Variants in UBE4A observed in about 807,000 individuals in gnomAD.
UBE4A encodes ubiquitination factor E4A.
Under a neutral mutation model 117.9 loss-of-function variants are expected in UBE4A, and 48 were observed. The observed-to-expected ratio is 0.41, with a 90% CI of 0.32 to 0.52. UBE4A has a LOEUF of 0.52. Among genes scored for constraint, UBE4A ranks in the 20% least tolerant of loss-of-function variants. The pLI, the probability that UBE4A is intolerant of heterozygous loss-of-function variation, is 0.33. For synonymous variants in UBE4A, 407 were observed against 450.0 expected, an observed-to-expected ratio of 0.90 and a Z score of 1.21; for missense variants, 1,067 against 1,296.3, an observed-to-expected ratio of 0.82 and a Z score of 2.72.
chr11:118,389,666 C>CATTA lies in UBE4A; in HGVS notation c.2588-59_2588-58insATTA, dbSNP rs1247034581. 8.9e-5 allele frequency: 127 copies of CATTA among 1,433,806 alleles called. No homozygotes were observed. In the East Asian group the frequency reaches 2.8e-3, roughly 32 times the overall value. The allele number at this position is 1,433,806 out of a possible 1,614,324, so 88.8% of individuals were successfully genotyped here. On this transcript the variant is annotated intron_variant, in intron 16 of 19. Transcript: ENST00000252108. ...CCAGAGGTCTCCAAATAAACTATACCTAATAAGGAAAAGAGTGCTAATGGA... is the reference window on the plus strand; with the variant it reads ...CCAGAGGTCTCCAAATAAACTATACCATTATAATAAGGAAAAGAGTGCTAATGGA...
At chr11:118,396,239 C>G (rs1401882129) in intron 19 of UBE4A, 75 bp from the exon 20 acceptor site, 9 of 1,536,330 alleles carry the variant, frequency 5.9e-6, no homozygotes, top group Non-Finnish European at 7.9e-6. Context: ...ATGCGACGCC[C>G]AGGTGTTCTG....
chr11:118,392,825 T>G lies in UBE4A; in HGVS notation c.3004T>G (p.Cys1002Gly), dbSNP rs1555128830. Reference sequence around the variant, plus strand: ...GGATCCCATTATGAGCACACTGATGTGTGACCCTGTGGTGCTGCCATCTTC... The same window carrying G: ...GGATCCCATTATGAGCACACTGATGGGTGACCCTGTGGTGCTGCCATCTTC... ...FLDPIMSTLM[C>G]DPVVLPSSRV... The change falls in exon 19 of 20, where the codon TGT becomes GGT. Residue 1002 changes from cysteine (C) to glycine (G), a missense_variant. Physicochemically the swap from Cys to Gly is radical, Grantham distance 159. This residue lies in a region of UBE4A where 34 missense variants were observed against 77.7 expected (regional missense o/e 0.44). Coordinates refer to ENST00000252108, the MANE Select transcript of UBE4A (RefSeq NM_001204077.2). 6.2e-7 allele frequency: 1 copy of G among 1,614,172 alleles called. No individual in the cohort carries two copies. The highest frequency in any genetic ancestry group is 8.5e-7 in the Non-Finnish European group (1 of 1,180,020).
intron 19 of UBE4A, among the ~76,000 whole-genome samples, chr11:118,395,601 A>T (rs1268262821): frequency 1.3e-5 from 2 of 152,242 alleles, no homozygotes; most frequent in African/African-American, 2.4e-5. Flanking sequence ...ACAAGGCTTT[A>T]TTCCTTAACA....
intron 15 of UBE4A, 25 bp downstream of exon 15, chr11:118,384,970 ATT>A: frequency 2.2e-6 from 3 of 1,378,336 alleles, no homozygotes; most frequent in Non-Finnish European, 3.0e-6. Flanking sequence ...AAAAAAAAAG[ATT>A]TAACTTCTCC....
At chr11:118,396,203 T>A in intron 19 of UBE4A, 111 bp from the exon 20 acceptor site, 1 of 1,372,586 alleles carries the variant, frequency 7.3e-7, no homozygotes, top group Non-Finnish European at 9.7e-7. Context: ...CTCAAAGTTA[T>A]AATGCACTCT....
intron 11 of UBE4A, among the ~76,000 whole-genome samples, chr11:118,380,126 T>TGC (rs1948689155): frequency 1.4e-5 from 1 of 68,986 alleles, no homozygotes; most frequent in Non-Finnish European, 2.9e-5. Flanking sequence ...AGTGTGTGTG[T>TGC]GTGTGTGCGT....
chr11:118,368,896 G>A, intron 3 of UBE4A, 92 bp downstream of exon 3: 1 of 1,330,622 alleles, frequency 7.5e-7, no homozygotes, highest in South Asian at 1.3e-5. Context: ...CTAATGGTTA[G>A]ATACAAACCT....
Position 118,373,123 on chromosome 11 carries a change from T to G in UBE4A, c.759T>G (p.Ile253Met), listed in dbSNP as rs1360568017. The stretch of plus-strand genomic sequence containing the variant: ...TAACTGAGTTTCTGGAAGAGGTCAT[T>G]GAAGCCTTGATATTGGATGAGGAAG... ...EDVTEFLEEV[I>M]EALILDEEVR... is the part of the protein sequence containing the mutation. The change falls in exon 7 of 20, where the codon ATT becomes ATG. Residue 253 changes from isoleucine to methionine, a missense_variant. Ile to Met is a conservative substitution (Grantham distance 10). This residue lies in a region of UBE4A where 1,001 missense variants were observed against 1,184.0 expected (regional missense o/e 0.85). Transcript: ENST00000252108. 6.8e-6 allele frequency: 11 copies of G among 1,614,010 alleles called. No individual in the cohort carries two copies. The highest frequency in any genetic ancestry group is 8.5e-6 in the Non-Finnish European group (10 of 1,180,028).
chr11:118,363,566 T>C (rs1948538376), intron 1 of UBE4A, among the ~76,000 whole-genome samples: 1 of 152,124 alleles, frequency 6.6e-6, no homozygotes, highest in Non-Finnish European at 1.5e-5. Flanking sequence ...AAATAATCTC[T>C]TTCTCTGGTA....
At chr11:118,368,557 T>G in intron 2 of UBE4A, 74 bp from the exon 3 acceptor site, 8 of 1,447,998 alleles carry the variant, frequency 5.5e-6, no homozygotes, top group Non-Finnish European at 7.6e-6. Context: ...CTTGGTTACA[T>G]TTATTATTTT....
chr11:118,375,881 A>G (rs1195350070), intron 9 of UBE4A, among the ~76,000 whole-genome samples: 2 of 152,216 alleles, frequency 1.3e-5, no homozygotes, highest in Non-Finnish European at 2.9e-5. Flanking sequence ...GGGCTAAGCT[A>G]TGGGAGCACA....
intron 19 of UBE4A, 150 bp downstream of exon 19, chr11:118,393,045 T>C (rs1948834346): frequency 5.3e-6 from 4 of 756,014 alleles, no homozygotes; most frequent in Non-Finnish European, 8.1e-6. Context: ...TGGTTTCAAT[T>C]GCTAGGATAT....
intron 9 of UBE4A, among the ~76,000 whole-genome samples, 154 bp downstream of exon 9, chr11:118,375,383 G>A (rs1191390173): frequency 3.3e-5 from 5 of 151,054 alleles, no homozygotes; most frequent in African/African-American, 9.7e-5. Flanking sequence ...TTTTTGAGAT[G>A]GAGTCTTACT....
chr11:118,382,383 CAA>C (rs1342703511), intron 12 of UBE4A, among the ~76,000 whole-genome samples: 66 of 152,040 alleles, frequency 4.3e-4, no homozygotes, highest in African/African-American at 1.4e-3. Flanking sequence ...GCTGTCAACT[CAA>C]GAGTTAAATG....
At chr11:118,395,385 A>T (rs1257620760) in intron 19 of UBE4A, among the ~76,000 whole-genome samples, 6 of 152,122 alleles carry the variant, frequency 3.9e-5, no homozygotes, top group Non-Finnish European at 7.4e-5. Flanking sequence ...TTAAGCATTC[A>T]CTATATCGCT....
intron 12 of UBE4A, 130 bp downstream of exon 12, chr11:118,381,653 C>A: frequency 8.0e-7 from 1 of 1,247,170 alleles, no homozygotes; most frequent in Non-Finnish European, 1.1e-6. Context: ...ATTAAGGAAT[C>A]ACCTGACCAT....
chr11:118,382,448 CAAACTT>C (rs1244571731), intron 12 of UBE4A, 135 bp from the exon 13 acceptor site: 27 of 244,834 alleles, frequency 1.1e-4, no homozygotes, highest in Non-Finnish European at 1.5e-4. Flanking sequence ...AAGAAACTGA[CAAACTT>C]AAAACTGCAG....
chr11:118,381,436 G>A lies in UBE4A; in HGVS notation c.1922G>A (p.Arg641His), dbSNP rs782001582. The A allele has an allele frequency of 4.3e-6, 7 of 1,613,676 alleles. No individual in the cohort carries two copies. Among genetic ancestry groups the A allele is most frequent in the East Asian group, 2.2e-5 (1 of 44,860 alleles). ...NLGDFLIFLR[R>H]FADDILETSA... is the part of the protein sequence containing the mutation. ...GGTGATTTTCTCATTTTTCTCCGCC[G>A]CTTTGCCGATGACATTTTGGAGACA... Residue 641 changes from arginine to histidine, a missense_variant, in exon 12 of 20, where the codon CGC becomes CAC. By Grantham distance (29) the Arg-to-His change is conservative (BLOSUM62 0). Coordinates refer to ENST00000252108, the MANE Select transcript of UBE4A (RefSeq NM_001204077.2).
intron 18 of UBE4A, among the ~76,000 whole-genome samples, chr11:118,391,167 T>G (rs1948812648): frequency 6.6e-6 from 1 of 152,232 alleles, no homozygotes; most frequent in Non-Finnish European, 1.5e-5. Context: ...GTTTTATTCT[T>G]GTCAACATGA....
Sources: gnomAD v4.1 joint callset for allele counts (sites outside exome capture counted in the v4.1 genomes callset) on GRCh38, gnomAD v4.1.1 for gene constraint, gnomAD v4.1.1 regional missense constraint, MANE v1.5 for transcripts, NCBI Gene and HGNC (gene_info 2026-07-23, HGNC 2026-07-21) for gene names.